The following SERBP1 variants were observed in gnomAD, a reference collection of about 807,000 sequenced individuals.
The protein encoded by SERBP1 is SERPINE1 mRNA binding protein 1.
A neutral mutation model predicts 50.2 loss-of-function variants in SERBP1; 6 were observed. The ratio of observed to expected loss-of-function variants is 0.12; its 90% CI spans 0.07 to 0.24. The LOEUF (loss-of-function observed/expected upper bound fraction) is 0.24. Among genes scored for constraint, SERBP1 ranks in the 10% least tolerant of loss-of-function variants. The probability of loss-of-function intolerance (pLI) is 1.00; values close to 1 mark genes in which losing one functional copy is unlikely to be tolerated. For missense variants in SERBP1, 346 were observed against 524.9 expected (o/e 0.66, Z 3.33); for synonymous variants, 168 against 182.8 (o/e 0.92, Z 0.65).
rs989538633 is a variant in SERBP1 at position 67,411,067 on chromosome 1, A to T, written c.*2140T>A. The T allele has an allele frequency of 6.6e-6, 1 of 152,180 alleles. No homozygotes were observed. The highest frequency in any genetic ancestry group is 1.5e-5 in the Non-Finnish European group (1 of 67,996). The allele number at this position is 152,180 out of a possible 1,614,324, so 9.4% of individuals were successfully genotyped here. A position where few individuals can be genotyped will look rare whatever the true frequency, so the allele number is the denominator to read the frequency against. ...CTTTTAAGAAGTGAGCATGAAAATA[A>T]ATCTTTATTTTCAGTTATTACCCAC... is the stretch of plus-strand genomic sequence containing the variant. On this transcript the variant is annotated 3_prime_UTR_variant, in exon 8 of 8. Transcript: ENST00000361219.
rs1666826307 is a variant in SERBP1 at position 67,411,186 on chromosome 1, CTTT to C, written c.*2018_*2020del. On this transcript the variant is annotated 3_prime_UTR_variant, in exon 8 of 8. Coordinates refer to ENST00000361219, the MANE Select transcript of SERBP1 (RefSeq NM_001018069.2). ...CCATCAGATACAACTAATGCACCAACTTTTTAAGTTCAGGCTATCTTGAAAGCT... is the reference window on the plus strand; with the variant it reads ...CCATCAGATACAACTAATGCACCAACTTAAGTTCAGGCTATCTTGAAAGCT... 1 of 152,128 alleles carries C rather than the reference CTTT, an allele frequency of 6.6e-6. No individual in the cohort carries two copies. The highest frequency in any genetic ancestry group is 1.5e-5 in the Non-Finnish European group (1 of 67,990). The allele number at this position is 152,128 out of a possible 1,614,324, so 9.4% of individuals were successfully genotyped here.
At position 67,409,646 on chromosome 1, in the gene SERBP1, A is replaced by C. The variant is rs1453844038; in HGVS notation, c.*3561T>G. 1.3e-5 allele frequency: 2 copies of C among 152,168 alleles called. No homozygotes were observed. Among genetic ancestry groups the C allele is most frequent in the South Asian group, 4.1e-4 (2 of 4,834 alleles). The allele number at this position is 152,168 out of a possible 1,614,324, so 9.4% of individuals were successfully genotyped here. A position where few individuals can be genotyped will look rare whatever the true frequency, so the allele number is the denominator to read the frequency against. ...TGAAATTACCGACTTCCTCAGCCTG[A>C]AAGATTTATTTCAATCACTTCACAT... is the stretch of plus-strand genomic sequence containing the variant. On this transcript the variant is annotated 3_prime_UTR_variant, in exon 8 of 8. Coordinates refer to ENST00000361219, the MANE Select transcript of SERBP1 (RefSeq NM_001018069.2).
At chr1:67,428,519 G>T (rs1238673202) in intron 1 of SERBP1, among the ~76,000 whole-genome samples, 2 of 152,062 alleles carry the variant, frequency 1.3e-5, no homozygotes, top group Admixed American at 1.3e-4. Context: ...ACAAGTCAGC[G>T]TTACTTAACA....
At chr1:67,424,008 C>T (rs1056802842) in intron 5 of SERBP1, among the ~76,000 whole-genome samples, 192 bp downstream of exon 5, 5 of 152,104 alleles carry the variant, frequency 3.3e-5, no homozygotes, top group African/African-American at 9.7e-5. Context: ...TATAGTGAGA[C>T]CCTGTCTCTA....
Position 67,411,288 on chromosome 1 carries a change from A to C in SERBP1, c.*1919T>G, listed in dbSNP as rs1180774518. On this transcript the variant is annotated 3_prime_UTR_variant, in exon 8 of 8. Transcript: ENST00000361219. ...GACACTGAGAAGTTGTGTTTTGAGT[A>C]GCAGGTGTTTTCTATAGTATGTTGC... 2.0e-5 allele frequency: 3 copies of C among 152,196 alleles called. No homozygotes were observed. The highest frequency in any genetic ancestry group is 7.2e-5 in the African/African-American group (3 of 41,464). The allele number at this position is 152,196 out of a possible 1,614,324, so 9.4% of individuals were successfully genotyped here. A position where few individuals can be genotyped will look rare whatever the true frequency, so the allele number is the denominator to read the frequency against.
In SERBP1 at chr1:67,412,939, T is replaced by C. The variant is rs1666888053; in HGVS notation, c.*268A>G. Reference sequence around the variant, plus strand: ...ATTTGCAAGCAGCAATACAAAAGTATTCATGAAGAATGCATAATCTCTGAA... The same window carrying C: ...ATTTGCAAGCAGCAATACAAAAGTACTCATGAAGAATGCATAATCTCTGAA... On this transcript the variant is annotated 3_prime_UTR_variant, in exon 8 of 8. Transcript: ENST00000361219. 1 of 470,830 alleles carries C rather than the reference T, an allele frequency of 2.1e-6. No individual in the cohort carries two copies. Among genetic ancestry groups the C allele is most frequent in the Admixed American group, 4.6e-5 (1 of 21,942 alleles). 29.2% of individuals were successfully genotyped at this position (470,830 alleles called of 1,614,324 possible).
chr1:67,423,401 G>GT (rs2100433983), intron 5 of SERBP1, among the ~76,000 whole-genome samples: 1 of 151,986 alleles, frequency 6.6e-6, no homozygotes, highest in South Asian at 2.1e-4. Context: ...GAGCTCAGGA[G>GT]TTGAAGACCA....
chr1:67,420,273 T>A (rs890168455), intron 5 of SERBP1, 87 bp from the exon 6 acceptor site: 1 of 1,151,914 alleles, frequency 8.7e-7, no homozygotes, highest in East Asian at 2.5e-5. Context: ...ATTGAGAAAA[T>A]TAACCTTGTA....
intron 1 of SERBP1, chr1:67,429,705 G>C (rs1054282645): frequency 3.1e-6 from 1 of 321,438 alleles, no homozygotes; most frequent in East Asian, 5.8e-5. Context: ...CCAGGACCTC[G>C]AGCGCGCTCG....
chr1:67,421,968 T>C (rs1343742744), intron 5 of SERBP1, among the ~76,000 whole-genome samples: 3 of 152,182 alleles, frequency 2.0e-5, no homozygotes, highest in East Asian at 3.9e-4. Flanking sequence ...TTGACCACTA[T>C]GAGAAACTTA....
In SERBP1 at chr1:67,408,047, T is replaced by TA; in HGVS notation, c.*5159dup. On this transcript the variant is annotated 3_prime_UTR_variant, in exon 8 of 8. Transcript: ENST00000361219. ...AAACAAGGTGATTAGTGCAAAGTAA[T>TA]ACAACTGTCCAAAGATAAGCTACTT... 6.6e-6 allele frequency: 1 copy of TA among 152,248 alleles called. No individual in the cohort carries two copies. Among genetic ancestry groups the TA allele is most frequent in the East Asian group, 1.9e-4 (1 of 5,170 alleles). 9.4% of individuals were successfully genotyped at this position (152,248 alleles called of 1,614,324 possible).
rs757115770 is a variant in SERBP1, at chr1:67,415,194, C to T, written c.1097G>A (p.Arg366His). The change falls in exon 7 of 8, where the codon CGC (arginine) becomes CAC (histidine). Residue 366 changes from arginine (R) to histidine (H), a missense_variant. By Grantham distance (29) the Arg-to-His change is conservative (BLOSUM62 0). This residue lies in a region of SERBP1 where 68 missense variants were observed against 97.3 expected (regional missense o/e 0.70). Coordinates refer to ENST00000361219, the MANE Select transcript of SERBP1 (RefSeq NM_001018069.2). ...GTCGGTCCTGCTGCCACGGTTTGGG[C>T]GCCCACCACGCCCACGTCCACCTCG... ...GGRGGRGRGG[R>H]PNRGSRTDKS... 7.5e-6 allele frequency: 12 copies of T among 1,600,482 alleles called. No homozygotes were observed. Among genetic ancestry groups the T allele is most frequent in the East Asian group, 4.5e-5 (2 of 44,540 alleles).
At position 67,429,948 on chromosome 1, in the gene SERBP1, C is replaced by T. The variant is rs758005729; in HGVS notation, c.313+40G>A. 3 of 1,535,540 alleles carry T rather than the reference C, an allele frequency of 2.0e-6. No homozygotes were observed. In the Admixed American group the frequency reaches 6.2e-5, roughly 32 times the overall value. On this transcript the variant is annotated intron_variant, in intron 1 of 7. Coordinates refer to ENST00000361219, the MANE Select transcript of SERBP1 (RefSeq NM_001018069.2). The stretch of plus-strand genomic sequence containing the variant: ...CAGCCGGCAGCCCCCTCGCTCCTTC[C>T]CTCCATCCCAGTCTCCCCCACATTC...
Position 67,411,800 on chromosome 1 carries a change from A to AT in SERBP1, c.*1406dup, listed in dbSNP as rs1395733318. ...ATGACGTGACAAACAATTCTTAAAA[A>AT]TTTTTTAAAAATTCCTTCACTGTTT... On this transcript the variant is annotated 3_prime_UTR_variant, in exon 8 of 8. Coordinates refer to ENST00000361219, the MANE Select transcript of SERBP1 (RefSeq NM_001018069.2). 3 of 152,324 alleles carry AT rather than the reference A, an allele frequency of 2.0e-5. No individual in the cohort carries two copies. The South Asian group carries it at 6.2e-4, about 32-fold the overall frequency. The allele number at this position is 152,324 out of a possible 1,614,324, so 9.4% of individuals were successfully genotyped here.
rs934314540 is a variant in SERBP1, at chr1:67,430,148, G to A, written c.153C>T (p.Ala51=). 6 of 1,611,156 alleles carry A rather than the reference G, an allele frequency of 3.7e-6. No individual in the cohort carries two copies. Among genetic ancestry groups the A allele is most frequent in the Non-Finnish European group, 5.1e-6 (6 of 1,179,626 alleles). ...AGGGGVGGPG[A]KSAAQAAAQT... ...GGGCCGCGGCCTGAGCTGCGCTCTTGGCCCCAGGGCCCCCAACGCCGCCCC... is the reference window on the plus strand; with the variant it reads ...GGGCCGCGGCCTGAGCTGCGCTCTTAGCCCCAGGGCCCCCAACGCCGCCCC... The change falls in exon 1 of 8, where the codon GCC becomes GCT. Residue 51 remains alanine, a synonymous_variant. Coordinates refer to ENST00000361219, the MANE Select transcript of SERBP1 (RefSeq NM_001018069.2).
rs999397348 is a variant in SERBP1, at chr1:67,409,248, C to G, written c.*3959G>C. On this transcript the variant is annotated 3_prime_UTR_variant, in exon 8 of 8. Coordinates refer to ENST00000361219, the MANE Select transcript of SERBP1 (RefSeq NM_001018069.2). ...TTCAAAGAAACAAACTCTTGTAACC[C>G]GAGAGTGACAGTTCCGGGGTCAGCA... is the stretch of plus-strand genomic sequence containing the variant. The G allele has an allele frequency of 6.6e-6, 1 of 151,630 alleles. No homozygotes were observed. Among genetic ancestry groups the G allele is most frequent in the Admixed American group, 6.6e-5 (1 of 15,228 alleles). 9.4% of individuals were successfully genotyped at this position (151,630 alleles called of 1,614,324 possible).
chr1:67,429,956 C>T, intron 1 of SERBP1, 32 bp downstream of exon 1: 2 of 1,555,872 alleles, frequency 1.3e-6, no homozygotes, highest in Non-Finnish European at 1.7e-6. Flanking sequence ...TCCCTCCATC[C>T]CAGTCTCCCC....
chr1:67,421,226 A>G (rs1667187230), intron 5 of SERBP1, among the ~76,000 whole-genome samples: 1 of 152,188 alleles, frequency 6.6e-6, no homozygotes, highest in Non-Finnish European at 1.5e-5. Context: ...CATTTTACAG[A>G]TGAGAAATCT....
intron 1 of SERBP1, among the ~76,000 whole-genome samples, chr1:67,428,595 T>C (rs572055679): frequency 6.6e-6 from 1 of 152,356 alleles, no homozygotes; most frequent in Non-Finnish European, 1.5e-5. Flanking sequence ...GAAGAGATAC[T>C]TGGCCTAAGT....
Sources: gnomAD v4.1 joint callset for allele counts (sites outside exome capture counted in the v4.1 genomes callset) on GRCh38, gnomAD v4.1.1 for gene constraint, gnomAD v4.1.1 regional missense constraint, MANE v1.5 for transcripts, NCBI Gene and HGNC (gene_info 2026-07-23, HGNC 2026-07-21) for gene names.